SH3GLB1: variants seen among roughly 807,000 people sequenced by gnomAD.
The protein encoded by SH3GLB1 is SH3 domain containing GRB2 like, endophilin B1, also known as endophilin-B1.
Under a neutral mutation model 42.0 loss-of-function variants are expected in SH3GLB1, and 17 were observed. The ratio of observed to expected loss-of-function variants is 0.40; its 90% CI spans 0.28 to 0.61. SH3GLB1 has a LOEUF of 0.61. SH3GLB1 is among the 20% of genes least tolerant of loss of function. The pLI is 0.36. For missense variants in SH3GLB1, 355 were observed against 426.3 expected, an observed-to-expected ratio of 0.83 and a Z score of 1.47; for synonymous variants, 132 against 146.6, an observed-to-expected ratio of 0.90 and a Z score of 0.72.
At chr1:86,732,537 CTGTT>C (rs1655565429) in intron 5 of SH3GLB1, among the ~76,000 whole-genome samples, 1 of 152,144 alleles carries the variant, frequency 6.6e-6, no homozygotes, top group African/African-American at 2.4e-5. Context: ...GGACATTTGA[CTGTT>C]TGAAGCCACC....
intron 7 of SH3GLB1, among the ~76,000 whole-genome samples, chr1:86,737,476 A>G (rs1215237694): frequency 1.3e-5 from 2 of 152,204 alleles, no homozygotes; most frequent in African/African-American, 2.4e-5. Flanking sequence ...TCAGAAATGT[A>G]TGTATTTAAT....
chr1:86,711,989 T>G (rs1654240174), intron 1 of SH3GLB1, among the ~76,000 whole-genome samples: 1 of 152,116 alleles, frequency 6.6e-6, no homozygotes, highest in Non-Finnish European at 1.5e-5. Context: ...TTAGAGAAAA[T>G]GTATTAAATA....
Position 86,715,794 on chromosome 1 carries a change from A to C in SH3GLB1, c.143A>C (p.Lys48Thr). 1 of 1,612,776 alleles carries C rather than the reference A, an allele frequency of 6.2e-7. No individual in the cohort carries two copies. The highest frequency in any genetic ancestry group is 8.5e-7 in the Non-Finnish European group (1 of 1,179,688). ...GCTCACTTAGAGAACCTCCTTAGCAAAGCTGAATGTACCAAAATATGGACA... is the reference window on the plus strand; with the variant it reads ...GCTCACTTAGAGAACCTCCTTAGCACAGCTGAATGTACCAAAATATGGACA... Reference protein sequence around the residue: ...LDAHLENLLSKAECTKIWTEK... With the variant: ...LDAHLENLLSTAECTKIWTEK... Residue 48 changes from lysine to threonine, a missense_variant, in exon 2 of 9, where the codon AAA (lysine) becomes ACA (threonine). By Grantham distance (78) the Lys-to-Thr change is moderately conservative. Transcript: ENST00000370558.
chr1:86,714,473 T>C (rs1468659962), intron 1 of SH3GLB1, among the ~76,000 whole-genome samples: 1 of 152,186 alleles, frequency 6.6e-6, no homozygotes, highest in Non-Finnish European at 1.5e-5. Context: ...ACCCAAGGCT[T>C]TACAAAAGCT....
In SH3GLB1 at chr1:86,709,214, T is replaced by G. The variant is rs558373195; in HGVS notation, c.72+4243T>G. Among the ~76,000 whole-genome samples the G allele has an allele frequency of 3.6e-4, 55 of 152,344 alleles. No homozygotes were observed. In the South Asian group the frequency reaches 0.011, roughly 30 times the overall value. ...TGACTTTCTTTAATAAGTTTGTATG[T>G]GCTAAGGCATCAACTCTGTTTCTTA... is the stretch of plus-strand genomic sequence containing the variant. On this transcript the variant is annotated intron_variant, in intron 1 of 8. Transcript: ENST00000370558.
intron 5 of SH3GLB1, among the ~76,000 whole-genome samples, chr1:86,729,469 C>G (rs1470882871): frequency 1.3e-5 from 2 of 151,928 alleles, no homozygotes; most frequent in African/African-American, 4.8e-5. Flanking sequence ...ATTGTCCTAT[C>G]TATAGGTAAA....
At position 86,721,145 on chromosome 1, in the gene SH3GLB1, C is replaced by T. The variant is rs112792076; in HGVS notation, c.344-1395C>T. Among the ~76,000 whole-genome samples, 1,415 of 152,198 alleles carry T rather than the reference C, an allele frequency of 9.3e-3. 25 individuals are homozygous for T. The highest frequency in any genetic ancestry group is 0.033 in the African/African-American group (1,358 of 41,498). On this transcript the variant is annotated intron_variant, in intron 3 of 8. Transcript: ENST00000370558. ...TTAAATCTGCTTAATCTGTTTGCAC[C>T]TCTAGTAATTCTAGTGAATGTACCC...
chr1:86,724,892 A>ACT (rs1553208270), intron 5 of SH3GLB1, among the ~76,000 whole-genome samples: 6 of 99,680 alleles, frequency 6.0e-5, no homozygotes, highest in African/African-American at 1.6e-4. Context: ...AAAAAAAAAA[A>ACT]ATATATATAT....
At chr1:86,739,846 T>C (rs1655971555) in intron 7 of SH3GLB1, among the ~76,000 whole-genome samples, 1 of 152,054 alleles carries the variant, frequency 6.6e-6, no homozygotes, top group African/African-American at 2.4e-5. Flanking sequence ...CATAGACAGC[T>C]CATTAAAGAG....
chr1:86,705,798 G>A (rs1044071735), intron 1 of SH3GLB1, among the ~76,000 whole-genome samples: 2 of 152,224 alleles, frequency 1.3e-5, no homozygotes, highest in Admixed American at 6.5e-5. Context: ...TCTGTGAACA[G>A]ATGTAAATTT....
chr1:86,715,506 T>C (rs1654468661), intron 1 of SH3GLB1, among the ~76,000 whole-genome samples: 1 of 152,138 alleles, frequency 6.6e-6, no homozygotes, highest in African/African-American at 2.4e-5. Flanking sequence ...GAACTAAGGG[T>C]ATGTGATGAC....
intron 5 of SH3GLB1, among the ~76,000 whole-genome samples, chr1:86,730,931 T>C (rs1324138335): frequency 6.6e-6 from 1 of 152,218 alleles, no homozygotes; most frequent in African/African-American, 2.4e-5. Context: ...ATAGCAAGTA[T>C]TTGATTTTAC....
intron 6 of SH3GLB1, 63 bp from the exon 7 acceptor site, chr1:86,735,016 C>G: frequency 1.7e-6 from 2 of 1,198,178 alleles, no homozygotes; most frequent in Non-Finnish European, 2.5e-6. Context: ...GTCTGTCTCC[C>G]CCTTGCATTT....
At chr1:86,728,113 T>G (rs1201278510) in intron 5 of SH3GLB1, among the ~76,000 whole-genome samples, 1 of 151,910 alleles carries the variant, frequency 6.6e-6, no homozygotes, top group Non-Finnish European at 1.5e-5. Context: ...TTAATAAAAA[T>G]TGTAGGTAAC....
chr1:86,733,702 T>C (rs548461479), intron 5 of SH3GLB1, among the ~76,000 whole-genome samples: 23 of 152,328 alleles, frequency 1.5e-4, no homozygotes, highest in African/African-American at 4.1e-4. Flanking sequence ...CTTGTTGATT[T>C]TTCAGTGAAC....
intron 5 of SH3GLB1, among the ~76,000 whole-genome samples, chr1:86,732,772 C>T (rs1229200634): frequency 1.3e-5 from 2 of 152,044 alleles, no homozygotes; most frequent in Admixed American, 6.6e-5. Flanking sequence ...ATTATTTCTA[C>T]TTCAGTCTCA....
At chr1:86,734,930 T>C (rs540469807) in intron 6 of SH3GLB1, 149 bp from the exon 7 acceptor site, 6 of 662,850 alleles carry the variant, frequency 9.1e-6, no homozygotes, top group Non-Finnish European at 1.6e-5. Context: ...TAGTGTACTA[T>C]TCACGAAGGC....
chr1:86,712,165 A>G (rs547082114), intron 1 of SH3GLB1, among the ~76,000 whole-genome samples: 36 of 152,156 alleles, frequency 2.4e-4, no homozygotes, highest in African/African-American at 3.6e-4. Context: ...AGCATTAGCA[A>G]TGTCCTTATT....
intron 5 of SH3GLB1, among the ~76,000 whole-genome samples, chr1:86,727,528 C>T (rs545967471): frequency 1.3e-5 from 2 of 152,046 alleles, no homozygotes; most frequent in African/African-American, 4.8e-5. Flanking sequence ...GAGCTTTTCA[C>T]TTTAGGGTTC....
Sources: gnomAD v4.1 joint callset for allele counts (sites outside exome capture counted in the v4.1 genomes callset) on GRCh38, gnomAD v4.1.1 for gene constraint, MANE v1.5 for transcripts, NCBI Gene and HGNC (gene_info 2026-07-23, HGNC 2026-07-21) for gene names.